Variants in ZC3H4 observed in about 807,000 individuals in gnomAD.
ZC3H4 encodes the protein zinc finger CCCH-type containing 4.
Under a neutral mutation model 108.3 loss-of-function variants are expected in ZC3H4, and 13 were observed. That is an observed-to-expected ratio of 0.12 (90% CI 0.08 to 0.19). The LOEUF is 0.19. ZC3H4 is among the 10% of genes least tolerant of loss of function. ZC3H4 has a pLI of 1.00. For synonymous variants in ZC3H4, 917 were observed against 749.6 expected, an observed-to-expected ratio of 1.22 and a Z score of -3.65; for missense variants, 1,734 against 1,838.8, an observed-to-expected ratio of 0.94 and a Z score of 1.04.
chr19:47,084,949 G>A (rs2057590185), intron 8 of ZC3H4, 107 bp downstream of exon 8: 1 of 1,470,326 alleles, frequency 6.8e-7, no homozygotes, highest in African/African-American at 1.4e-5. Flanking sequence ...CCTTTGGGGG[G>A]TGGCTGATGG....
Position 47,094,212 on chromosome 19 carries a change from C to T in ZC3H4, c.382-132G>A, listed in dbSNP as rs533296575. On this transcript the variant is annotated intron_variant, in intron 3 of 14. Transcript: ENST00000253048. Reference sequence around the variant, plus strand: ...TTCACCTGAAACACCTCACCTGGGGCACTTAGTGGCAATGAAGCATAAGCT... The same window carrying T: ...TTCACCTGAAACACCTCACCTGGGGTACTTAGTGGCAATGAAGCATAAGCT... The T allele has an allele frequency of 4.2e-5, 45 of 1,073,194 alleles. No individual in the cohort carries two copies. In the African/African-American group the frequency reaches 5.8e-4, roughly 14 times the overall value. The allele number at this position is 1,073,194 out of a possible 1,614,324, so 66.5% of individuals were successfully genotyped here. A position where few individuals can be genotyped will look rare whatever the true frequency, so the allele number is the denominator to read the frequency against.
chr19:47,071,364 G>C (rs1020907431), intron 13 of ZC3H4, among the ~76,000 whole-genome samples: 3 of 152,152 alleles, frequency 2.0e-5, no homozygotes, highest in African/African-American at 7.2e-5. Flanking sequence ...AAAACGGCCG[G>C]TAATGGGCAC....
At chr19:47,085,957 G>A (rs567622387) in intron 6 of ZC3H4, among the ~76,000 whole-genome samples, 5 of 152,144 alleles carry the variant, frequency 3.3e-5, no homozygotes, top group Non-Finnish European at 5.9e-5. Context: ...TCCACCTCCC[G>A]GGTTCAAGTG....
intron 2 of ZC3H4, among the ~76,000 whole-genome samples, chr19:47,106,533 C>G (rs1202048434): frequency 6.6e-6 from 1 of 152,204 alleles, no homozygotes; most frequent in Non-Finnish European, 1.5e-5. Flanking sequence ...TGACCAGGAA[C>G]CTGATGGGCC....
In ZC3H4 at chr19:47,064,745, CAAAAA is replaced by C. The variant is rs949264904; in HGVS notation, c.*1606_*1610del. ...GTAAAAAAAAAAAAAAAAAAAAAGA[CAAAAA>C]GACAAACCAACCAACCAGATCCCAG... On this transcript the variant is annotated 3_prime_UTR_variant, in exon 15 of 15. Coordinates refer to ENST00000253048, the MANE Select transcript of ZC3H4 (RefSeq NM_015168.2). 2.3e-5 allele frequency: 3 copies of C among 128,176 alleles called. No homozygotes were observed. Among genetic ancestry groups the C allele is most frequent in the Non-Finnish European group, 5.1e-5 (3 of 58,512 alleles). The allele number at this position is 128,176 out of a possible 1,614,324, so 7.9% of individuals were successfully genotyped here.
intron 13 of ZC3H4, 25 bp downstream of exon 13, chr19:47,071,753 C>G (rs762398317): frequency 5.1e-6 from 8 of 1,567,218 alleles, no homozygotes; most frequent in Non-Finnish European, 6.9e-6. Context: ...CAGCCCCAGG[C>G]AGCCACACCT....
intron 2 of ZC3H4, chr19:47,110,900 T>G (rs1197261489): frequency 1.0e-6 from 1 of 985,034 alleles, no homozygotes. Flanking sequence ...CTCACCAAAC[T>G]GCTGCACTTG....
chr19:47,079,512 G>A (rs1313536864), intron 11 of ZC3H4, among the ~76,000 whole-genome samples: 1 of 151,938 alleles, frequency 6.6e-6, no homozygotes, highest in Non-Finnish European at 1.5e-5. Flanking sequence ...CTCAGTCAGA[G>A]ATCAGTGAGT....
At chr19:47,079,779 C>T (rs763453687) in intron 11 of ZC3H4, among the ~76,000 whole-genome samples, 5 of 152,148 alleles carry the variant, frequency 3.3e-5, no homozygotes, top group Non-Finnish European at 5.9e-5. Context: ...CCCAGCTACT[C>T]GGGAGGCTGA....
At chr19:47,103,248 G>C (rs1306320983) in intron 2 of ZC3H4, among the ~76,000 whole-genome samples, 1 of 152,174 alleles carries the variant, frequency 6.6e-6, no homozygotes, top group Non-Finnish European at 1.5e-5. Context: ...TATCACTCCA[G>C]AGGAGAAAGT....
chr19:47,081,670 T>G, intron 10 of ZC3H4, 48 bp from the exon 11 acceptor site: 1 of 1,498,740 alleles, frequency 6.7e-7, no homozygotes, highest in Non-Finnish European at 9.3e-7. Flanking sequence ...AACGCCCCCC[T>G]CCCCCACCAC....
chr19:47,084,217 G>T, intron 9 of ZC3H4, 128 bp downstream of exon 9: 1 of 850,894 alleles, frequency 1.2e-6, no homozygotes, highest in Non-Finnish European at 1.9e-6. Flanking sequence ...ATCGGCAAGT[G>T]TCCACAAGGA....
At chr19:47,108,819 G>A (rs1394961080) in intron 2 of ZC3H4, among the ~76,000 whole-genome samples, 1 of 152,070 alleles carries the variant, frequency 6.6e-6, no homozygotes, top group African/African-American at 2.4e-5. Context: ...TGGGGGAGAG[G>A]ACAGGCCATG....
intron 11 of ZC3H4, among the ~76,000 whole-genome samples, chr19:47,073,812 G>A (rs927789513): frequency 2.0e-5 from 3 of 152,198 alleles, no homozygotes; most frequent in Non-Finnish European, 4.4e-5. Context: ...CGCTGTGTGC[G>A]ATGGGCGCTT....
Position 47,074,690 on chromosome 19 carries a change from A to G in ZC3H4, c.1441-1977T>C, listed in dbSNP as rs771826853. The stretch of plus-strand genomic sequence containing the variant: ...CCCCCCAAATCTGGAATTTTGGTCC[A>G]TGCTGGGCAGAGGCTGCCTAGGTGA... On this transcript the variant is annotated intron_variant, in intron 11 of 14. Coordinates refer to ENST00000253048, the MANE Select transcript of ZC3H4 (RefSeq NM_015168.2). Among the ~76,000 whole-genome samples the G allele has an allele frequency of 4.6e-5, 7 of 152,350 alleles. No individual in the cohort carries two copies. In the East Asian group the frequency reaches 1.2e-3, roughly 25 times the overall value.
chr19:47,086,531 T>C lies in ZC3H4; in HGVS notation c.723A>G (p.Arg241=), dbSNP rs754760914. The C allele has an allele frequency of 6.9e-6, 11 of 1,587,454 alleles. No homozygotes were observed. Among genetic ancestry groups the C allele is most frequent in the Admixed American group, 3.6e-5 (2 of 54,864 alleles). ...KEGSSRGRGS[R]GRGRGYRGRG... ...GGCCCCTGTAGCCCCGGCCCCGGCCTCGGCTGCCTGCATGGAGATTCAGAT... is the reference window on the plus strand; with the variant it reads ...GGCCCCTGTAGCCCCGGCCCCGGCCCCGGCTGCCTGCATGGAGATTCAGAT... The change falls in exon 6 of 15, where the codon CGA becomes CGG. Residue 241 remains arginine, a synonymous_variant. Coordinates refer to ENST00000253048, the MANE Select transcript of ZC3H4 (RefSeq NM_015168.2).
chr19:47,077,234 G>C (rs1463696183), intron 11 of ZC3H4, among the ~76,000 whole-genome samples: 3 of 152,054 alleles, frequency 2.0e-5, no homozygotes, highest in African/African-American at 7.2e-5. Context: ...ACTTTGGGAG[G>C]CCTGCGGGTG....
rs763031455 is a variant in ZC3H4, at chr19:47,066,642, C to A, written c.3626G>T (p.Gly1209Val). The A allele has an allele frequency of 6.2e-6, 10 of 1,611,608 alleles. No individual in the cohort carries two copies. In the South Asian group the frequency reaches 8.8e-5, roughly 14 times the overall value. Reference sequence around the variant, plus strand: ...GCTGTTGTATCTGTCCGTGGGGGTGCCCCCATCAGCACCGGCCTTCCCTGT... The same window carrying A: ...GCTGTTGTATCTGTCCGTGGGGGTGACCCCATCAGCACCGGCCTTCCCTGT... ...PETGKAGADG[G>V]TPTDRYNSYN... The change falls in exon 15 of 15, where the codon GGC becomes GTC. Residue 1209 changes from glycine (G) to valine (V), a missense_variant. Around this residue, in one of 9 missense-constraint regions of ZC3H4, gnomAD observed 518 missense variants for 499.6 expected, o/e 1.04. Coordinates refer to ENST00000253048, the MANE Select transcript of ZC3H4 (RefSeq NM_015168.2).
intron 11 of ZC3H4, among the ~76,000 whole-genome samples, chr19:47,080,134 C>T (rs2057495160): frequency 6.6e-6 from 1 of 152,202 alleles, no homozygotes; most frequent in Non-Finnish European, 1.5e-5. Context: ...AATAGCCAAT[C>T]TCCTAGAACC....
Sources: gnomAD v4.1 joint callset for allele counts (sites outside exome capture counted in the v4.1 genomes callset) on GRCh38, gnomAD v4.1.1 for gene constraint, gnomAD v4.1.1 regional missense constraint, MANE v1.5 for transcripts, NCBI Gene and HGNC (gene_info 2026-07-23, HGNC 2026-07-21) for gene names.